The following SLAMF1 variants were observed in gnomAD, a reference collection of about 807,000 sequenced individuals.
SLAMF1 encodes signaling lymphocytic activation molecule family member 1.
A neutral mutation model predicts 35.1 loss-of-function variants in SLAMF1; 18 were observed. The ratio of observed to expected loss-of-function variants is 0.51; its 90% confidence interval spans 0.35 to 0.76. The LOEUF is 0.76. Ranked by LOEUF, SLAMF1 falls within the 30% of genes least tolerant of loss-of-function variation. The pLI is 0.01. For missense variants in SLAMF1, 392 were observed against 413.0 expected, an observed-to-expected ratio of 0.95 and a Z score of 0.44; for synonymous variants, 168 against 157.2, an observed-to-expected ratio of 1.07 and a Z score of -0.51.
rs145728392 is a variant in SLAMF1, at chr1:160,625,483, A to G, written c.701-1298T>C. Among the ~76,000 whole-genome samples, 664 of 152,320 alleles carry G rather than the reference A, an allele frequency of 4.4e-3. 5 individuals carry two copies. The highest frequency in any genetic ancestry group is 0.015 in the African/African-American group (610 of 41,574). On this transcript the variant is annotated intron_variant, in intron 3 of 6. Coordinates refer to ENST00000302035, the MANE Select transcript of SLAMF1 (RefSeq NM_003037.5). Reference sequence around the variant, plus strand: ...TCATAAAATGCAGCCTACAAGATCCAAAGGGGCCTCCAGCCTGATAGCTGG... The same window carrying G: ...TCATAAAATGCAGCCTACAAGATCCGAAGGGGCCTCCAGCCTGATAGCTGG...
At position 160,637,543 on chromosome 1, in the gene SLAMF1, G is replaced by A. The variant is rs747583963; in HGVS notation, c.77-14C>T. ...TCATGCGCCCACCTGTGGGAGGGAG[G>A]AGAAGAGAGTCCCTTATTATTAAGG... is the stretch of plus-strand genomic sequence containing the variant. On this transcript the variant is annotated splice_polypyrimidine_tract_variant and intron_variant, in intron 1 of 6. Transcript: ENST00000302035. 40 of 1,585,844 alleles carry A rather than the reference G, an allele frequency of 2.5e-5. No individual in the cohort carries two copies. Among genetic ancestry groups the A allele is most frequent in the Admixed American group, 3.4e-5 (2 of 59,572 alleles).
At chr1:160,631,325 C>T (rs1264885150) in intron 3 of SLAMF1, among the ~76,000 whole-genome samples, 1 of 152,230 alleles carries the variant, frequency 6.6e-6, no homozygotes, top group African/African-American at 2.4e-5. Context: ...TGCAGGCTGG[C>T]AGGGTGGGGA....
At chr1:160,611,559 C>A (rs558387065) in intron 6 of SLAMF1, among the ~76,000 whole-genome samples, 75 of 152,264 alleles carry the variant, frequency 4.9e-4, no homozygotes, top group Non-Finnish European at 1.0e-3. Context: ...TTTGTGTGAC[C>A]TTTGTGCCTC....
chr1:160,631,498 A>G (rs1187684104), intron 3 of SLAMF1, among the ~76,000 whole-genome samples: 3 of 152,148 alleles, frequency 2.0e-5, no homozygotes, highest in Non-Finnish European at 1.5e-5. Context: ...CCAAATTTCT[A>G]TGTTGAAGCT....
intron 3 of SLAMF1, among the ~76,000 whole-genome samples, chr1:160,631,823 G>C (rs1219584476): frequency 3.3e-5 from 5 of 151,664 alleles, no homozygotes; most frequent in Non-Finnish European, 7.4e-5. Flanking sequence ...TCCAGAACCA[G>C]GAGAAAAATA....
intron 1 of SLAMF1, among the ~76,000 whole-genome samples, chr1:160,639,311 T>G (rs971255738): frequency 6.6e-6 from 1 of 152,104 alleles, no homozygotes; most frequent in Non-Finnish European, 1.5e-5. Flanking sequence ...CTGCAACCTC[T>G]GCCTCCCGGG....
At chr1:160,646,709 T>G (rs1661055764) in intron 1 of SLAMF1, among the ~76,000 whole-genome samples, 161 bp downstream of exon 1, 1 of 152,224 alleles carries the variant, frequency 6.6e-6, no homozygotes, top group African/African-American at 2.4e-5. Flanking sequence ...ACTTATAATG[T>G]TCCTTCCTCT....
chr1:160,612,443 T>C, intron 6 of SLAMF1, 45 bp downstream of exon 6: 1 of 1,308,382 alleles, frequency 7.6e-7, no homozygotes, highest in Non-Finnish European at 1.1e-6. Context: ...TTCCCCTCCT[T>C]CATGTATTCC....
chr1:160,643,532 T>C (rs935501859), intron 1 of SLAMF1, among the ~76,000 whole-genome samples: 9 of 152,168 alleles, frequency 5.9e-5, no homozygotes, highest in Non-Finnish European at 1.3e-4. Context: ...TATGAAAAAA[T>C]GTCAGAGCTA....
chr1:160,626,872 C>T (rs955861815), intron 3 of SLAMF1, among the ~76,000 whole-genome samples: 1 of 152,172 alleles, frequency 6.6e-6, no homozygotes, highest in Non-Finnish European at 1.5e-5. Flanking sequence ...CTTCCTGCTG[C>T]ACCCTAAGCT....
At chr1:160,624,272 A>C in intron 3 of SLAMF1, 87 bp from the exon 4 acceptor site, 1 of 943,038 alleles carries the variant, frequency 1.1e-6, no homozygotes, top group Non-Finnish European at 1.7e-6. Context: ...ATGGAGCCTC[A>C]TGTTCTATTT....
Position 160,642,516 on chromosome 1 carries a change from G to C in SLAMF1, c.76+4354C>G, listed in dbSNP as rs1660805992. The stretch of plus-strand genomic sequence containing the variant: ...ACTCTTATAAGCTTCCAAGAGTAGG[G>C]ACTGTGTCTGTTTTATTCACTACAG... On this transcript the variant is annotated intron_variant, in intron 1 of 6. Coordinates refer to ENST00000302035, the MANE Select transcript of SLAMF1 (RefSeq NM_003037.5). This position sits in a 1 kb window ranked among gnomAD's most constrained non-coding sequence, Gnocchi z 4.2. Among the ~76,000 whole-genome samples, 1 of 152,144 alleles carries C rather than the reference G, an allele frequency of 6.6e-6. No homozygotes were observed. Among genetic ancestry groups the C allele is most frequent in the Admixed American group, 6.5e-5 (1 of 15,280 alleles).
At position 160,634,408 on chromosome 1, in the gene SLAMF1, C is replaced by T. The variant is rs1032318443; in HGVS notation, c.700+205G>A. On this transcript the variant is annotated intron_variant, in intron 3 of 6. Transcript: ENST00000302035. ...CTCTATCACCTCCTGTTGGTTTCGTCAACTGTGAACTGAGCATAAAAATGC... is the reference window on the plus strand; with the variant it reads ...CTCTATCACCTCCTGTTGGTTTCGTTAACTGTGAACTGAGCATAAAAATGC... The T allele has an allele frequency of 6.1e-6, 6 of 984,382 alleles. No homozygotes were observed. The African/African-American group carries it at 1.0e-4, about 17-fold the overall frequency. 61.0% of individuals were successfully genotyped at this position (984,382 alleles called of 1,614,324 possible). A position where few individuals can be genotyped will look rare whatever the true frequency, so the allele number is the denominator to read the frequency against.
chr1:160,629,119 T>C (rs998219202), intron 3 of SLAMF1, among the ~76,000 whole-genome samples: 1 of 152,230 alleles, frequency 6.6e-6, no homozygotes, highest in African/African-American at 2.4e-5. Context: ...CCGAGCAGGC[T>C]GGTCAATAAC....
At chr1:160,623,108 G>C (rs961330080) in intron 4 of SLAMF1, among the ~76,000 whole-genome samples, 1 of 152,158 alleles carries the variant, frequency 6.6e-6, no homozygotes, top group Non-Finnish European at 1.5e-5. Context: ...GATAAGCCAA[G>C]TGTGGTTGAG....
intron 3 of SLAMF1, among the ~76,000 whole-genome samples, chr1:160,633,228 G>C (rs1044650905): frequency 6.6e-6 from 1 of 152,086 alleles, no homozygotes; most frequent in African/African-American, 2.4e-5. Flanking sequence ...TCTGAACTGG[G>C]GGGTAGCCTC....
At chr1:160,614,429 C>T (rs979804743) in intron 5 of SLAMF1, among the ~76,000 whole-genome samples, 4 of 152,014 alleles carry the variant, frequency 2.6e-5, no homozygotes, top group African/African-American at 9.7e-5. Flanking sequence ...CAAAAATTAG[C>T]CAGGAATGAT....
intron 1 of SLAMF1, among the ~76,000 whole-genome samples, chr1:160,637,832 A>G (rs915498289): frequency 6.6e-6 from 1 of 152,190 alleles, no homozygotes; most frequent in Non-Finnish European, 1.5e-5. Context: ...GAGAAGTTAA[A>G]TGGCTTCCCT....
chr1:160,641,646 C>T lies in SLAMF1; in HGVS notation c.77-4117G>A, dbSNP rs80087595. On this transcript the variant is annotated intron_variant, in intron 1 of 6. Transcript: ENST00000302035. ...CCACAACCCACATAAAGAATGATGA[C>T]GCAATACCTGAGTGTGTGAGTGTTG... is the stretch of plus-strand genomic sequence containing the variant. Among the ~76,000 whole-genome samples the T allele has an allele frequency of 7.8e-3, 1,189 of 152,062 alleles. 16 individuals carry two copies. The highest frequency in any genetic ancestry group is 0.027 in the African/African-American group (1,105 of 41,472).
Sources: gnomAD v4.1 joint callset for allele counts (sites outside exome capture counted in the v4.1 genomes callset) on GRCh38, gnomAD v4.1.1 for gene constraint, Gnocchi (gnomAD v3.1) non-coding constraint, MANE v1.5 for transcripts, NCBI Gene and HGNC (gene_info 2026-07-23, HGNC 2026-07-21) for gene names.